Variants in SIRPB2 observed in about 807,000 individuals in gnomAD.
SIRPB2 encodes signal-regulatory protein beta-2.
SIRPB2 carries 18 observed loss-of-function variants against 27.1 expected under a neutral mutation model. The ratio of observed to expected loss-of-function variants is 0.66; its 90% CI spans 0.46 to 0.98. The LOEUF (loss-of-function observed/expected upper bound fraction) is 0.98, where lower values mean the gene tolerates loss of function less well. Among genes scored for constraint, SIRPB2 ranks in the 50% least tolerant of loss-of-function variants. The pLI is 0.00. For missense variants in SIRPB2, 420 were observed against 417.4 expected, an observed-to-expected ratio of 1.01 and a Z score of -0.06; for synonymous variants, 150 against 164.6, an observed-to-expected ratio of 0.91 and a Z score of 0.68.
chr20:1,490,833 G>A (rs1600030550), intron 1 of SIRPB2, among the ~76,000 whole-genome samples: 1 of 152,308 alleles, frequency 6.6e-6, no homozygotes, highest in East Asian at 1.9e-4. Context: ...GCTCTGCTGT[G>A]TTGCTCAATA....
downstream of SIRPB2, among the ~76,000 whole-genome samples, chr20:1,472,074 A>C (rs2090582544): frequency 6.6e-6 from 1 of 152,204 alleles, no homozygotes; most frequent in Non-Finnish European, 1.5e-5. Flanking sequence ...ACTGACATCA[A>C]GGCATCAGAT....
At chr20:1,481,526 C>T (rs991961871) in intron 1 of SIRPB2, among the ~76,000 whole-genome samples, 2 of 152,170 alleles carry the variant, frequency 1.3e-5, no homozygotes, top group Non-Finnish European at 2.9e-5. Flanking sequence ...AGCTCAGTCT[C>T]ACTCCACACA....
At chr20:1,481,424 A>G (rs1422259543) in intron 1 of SIRPB2, among the ~76,000 whole-genome samples, 2 of 152,182 alleles carry the variant, frequency 1.3e-5, no homozygotes, top group Admixed American at 1.3e-4. Context: ...TTGAACTCAG[A>G]TCAGGTGACT....
intron 1 of SIRPB2, chr20:1,480,276 T>G: frequency 1.7e-6 from 1 of 603,818 alleles, no homozygotes. Context: ...AAACAATAAA[T>G]AACACTCAAG....
At chr20:1,487,664 C>T (rs1004523214) in intron 1 of SIRPB2, among the ~76,000 whole-genome samples, 1 of 152,184 alleles carries the variant, frequency 6.6e-6, no homozygotes, top group Non-Finnish European at 1.5e-5. Flanking sequence ...GATGAGGTCT[C>T]GCTATGTTTT....
chr20:1,479,800 G>A lies in SIRPB2; in HGVS notation c.351C>T (p.Val117=), dbSNP rs768730864. Residue 117 remains valine (V), a synonymous_variant, in exon 2 of 5, where the codon GTC becomes GTT. Coordinates refer to ENST00000359801, the MANE Select transcript of SIRPB2 (RefSeq NM_001122962.2). ...GGTAGGTTCCAGTGTGCTCCCTGGTGACATTGTGGATATAGATGGAATAAT... is the reference window on the plus strand; with the variant it reads ...GGTAGGTTCCAGTGTGCTCCCTGGTAACATTGTGGATATAGATGGAATAAT... ...NCDYSIYIHN[V]TREHTGTYHC... is the part of the protein sequence containing the mutation. The A allele has an allele frequency of 6.2e-7, 1 of 1,614,240 alleles. No homozygotes were observed. The highest frequency in any genetic ancestry group is 8.5e-7 in the Non-Finnish European group (1 of 1,180,042).
At chr20:1,480,884 C>T (rs544883826) in intron 1 of SIRPB2, among the ~76,000 whole-genome samples, 3 of 152,302 alleles carry the variant, frequency 2.0e-5, no homozygotes, top group South Asian at 2.1e-4. Flanking sequence ...TCTTCAAATG[C>T]CACCCTTCAG....
Position 1,479,975 on chromosome 20 carries a change from C to A in SIRPB2, c.176G>T (p.Arg59Met). The A allele has an allele frequency of 1.2e-6, 2 of 1,614,206 alleles. No homozygotes were observed. Among genetic ancestry groups the A allele is most frequent in the Non-Finnish European group, 1.7e-6 (2 of 1,180,032 alleles). The stretch of plus-strand genomic sequence containing the variant: ...AGTGCAGGAGCCGACCACCATACAC[C>A]TCAGTAGAAGTGTCTCACCTTCTGC... Reference protein sequence around the residue: ...LVAEGETLLLRCMVVGSCTDG... With the variant: ...LVAEGETLLLMCMVVGSCTDG... Residue 59 changes from arginine to methionine, a missense_variant, in exon 2 of 5, where the codon AGG (arginine) becomes ATG (methionine). Coordinates refer to ENST00000359801, the MANE Select transcript of SIRPB2 (RefSeq NM_001122962.2).
chr20:1,483,149 C>G (rs1226162715), intron 1 of SIRPB2, among the ~76,000 whole-genome samples: 1 of 150,962 alleles, frequency 6.6e-6, no homozygotes, highest in Non-Finnish European at 1.5e-5. Flanking sequence ...CTCTGTCACC[C>G]AGGCTCGAGT....
Position 1,479,764 on chromosome 20 carries a change from C to A in SIRPB2, c.387G>T (p.Arg129Ser). 1 of 1,614,236 alleles carries A rather than the reference C, an allele frequency of 6.2e-7. No individual in the cohort carries two copies. Among genetic ancestry groups the A allele is most frequent in the Non-Finnish European group, 8.5e-7 (1 of 1,180,032 alleles). The change falls in exon 2 of 5, where the codon AGG becomes AGT. Residue 129 changes from arginine (R) to serine (S), a missense_variant. By Grantham distance (110) the Arg-to-Ser change is moderately radical. Coordinates refer to ENST00000359801, the MANE Select transcript of SIRPB2 (RefSeq NM_001122962.2). ...REHTGTYHCV[R>S]FDGLSEHSEM... Reference sequence around the variant, plus strand: ...CTGAGTGTTCACTCAAACCATCAAACCTCACACAGTGGTAGGTTCCAGTGT... The same window carrying A: ...CTGAGTGTTCACTCAAACCATCAAAACTCACACAGTGGTAGGTTCCAGTGT...
At position 1,478,369 on chromosome 20, in the gene SIRPB2, T is replaced by C; in HGVS notation, c.690A>G (p.Gln230=). ...ASNNDFSILL[Q]NVSSEDAGTY... is the part of the protein sequence containing the mutation. ...TGCCTGCATCCTCACTGGAGACGTT[T>C]TGCAGAAGAATGCTGAAGTCATTGT... Residue 230 remains glutamine (Q), a synonymous_variant, in exon 3 of 5, where the codon CAA becomes CAG. Coordinates refer to ENST00000359801, the MANE Select transcript of SIRPB2 (RefSeq NM_001122962.2). 6.2e-7 allele frequency: 1 copy of C among 1,614,230 alleles called. No individual in the cohort carries two copies. The highest frequency in any genetic ancestry group is 8.5e-7 in the Non-Finnish European group (1 of 1,180,052).
intron 3 of SIRPB2, among the ~76,000 whole-genome samples, chr20:1,477,883 C>T (rs2090622037): frequency 6.6e-6 from 1 of 152,134 alleles, no homozygotes; most frequent in Non-Finnish European, 1.5e-5. Flanking sequence ...CCGTGTTGGT[C>T]AGGCTGGTCT....
downstream of SIRPB2, among the ~76,000 whole-genome samples, chr20:1,474,089 G>A (rs750152511): frequency 2.0e-4 from 31 of 152,000 alleles, no homozygotes; most frequent in Non-Finnish European, 3.7e-4. Context: ...CTTCTACATC[G>A]AAGATCCATC....
downstream of SIRPB2, chr20:1,474,577 C>CTT (rs991052787): frequency 1.4e-5 from 2 of 145,692 alleles, no homozygotes; most frequent in Non-Finnish European, 3.0e-5. Context: ...TGAATTGGTT[C>CTT]TTTTTTTTTT....
intron 1 of SIRPB2, among the ~76,000 whole-genome samples, chr20:1,484,136 A>G (rs2090701978): frequency 6.6e-6 from 1 of 152,222 alleles, no homozygotes; most frequent in South Asian, 2.1e-4. Context: ...GAAAAACTGG[A>G]TATCCATATG....
At chr20:1,476,487 AC>A (rs141419094) in intron 4 of SIRPB2, 151 bp from the exon 5 acceptor site, 88,139 of 909,732 alleles carry the variant, frequency 0.097, 5,286 homozygotes, top group Admixed American at 0.21. Context: ...ATCAAAGACC[AC>A]CCTTCCCTCT....
chr20:1,479,983 A>C lies in SIRPB2; in HGVS notation c.168T>G (p.Leu56=). 1 of 1,614,160 alleles carries C rather than the reference A, an allele frequency of 6.2e-7. No individual in the cohort carries two copies. Among genetic ancestry groups the C allele is most frequent in the Non-Finnish European group, 8.5e-7 (1 of 1,180,034 alleles). Residue 56 remains leucine (L), a synonymous_variant, in exon 2 of 5, where the codon CTT becomes CTG. Transcript: ENST00000359801. Reference sequence around the variant, plus strand: ...AGCCGACCACCATACACCTCAGTAGAAGTGTCTCACCTTCTGCCACCAGCA... The same window carrying C: ...AGCCGACCACCATACACCTCAGTAGCAGTGTCTCACCTTCTGCCACCAGCA... ...GPMLVAEGET[L]LLRCMVVGSC...
In SIRPB2 at chr20:1,474,954, C is replaced by G. The variant is rs943241919; in HGVS notation, c.*1213G>C. On this transcript the variant is annotated 3_prime_UTR_variant, in exon 5 of 5. Transcript: ENST00000359801. ...GTGATGGGAAGGGACTCTGATTAGT[C>G]ACTGAGGGTGCACAGGGAGGAGGCA... The G allele has an allele frequency of 3.9e-5, 6 of 152,310 alleles. No homozygotes were observed. Among genetic ancestry groups the G allele is most frequent in the African/African-American group, 1.4e-4 (6 of 41,428 alleles). The allele number at this position is 152,310 out of a possible 1,614,324, so 9.4% of individuals were successfully genotyped here.
At chr20:1,490,316 G>C (rs2090765772) in intron 1 of SIRPB2, among the ~76,000 whole-genome samples, 1 of 152,116 alleles carries the variant, frequency 6.6e-6, no homozygotes, top group Admixed American at 6.5e-5. Context: ...TCTCTCCTGG[G>C]GATGGCCACC....
Sources: allele counts gnomAD v4.1 joint callset (sites outside exome capture counted in the v4.1 genomes callset), GRCh38; gene constraint gnomAD v4.1.1; transcripts MANE v1.5; gene names NCBI Gene and HGNC (gene_info 2026-07-23, HGNC 2026-07-21).